The following NAT1 variants were observed in gnomAD, a reference collection of about 807,000 sequenced individuals.
The protein encoded by NAT1 is N-acetyltransferase 1, also known as arylamine N-acetyltransferase 1.
For missense variants in NAT1, 400 were observed against 339.2 expected (o/e 1.18, Z -1.41); for synonymous variants, 144 against 122.6 (o/e 1.17, Z -1.16).
At chr8:18,170,699 C>G (rs1802063989) in exon 2 of NAT1, 2 of 152,156 alleles carry the variant, frequency 1.3e-5, no homozygotes, top group African/African-American at 4.8e-5. Flanking sequence ...TCGACAGGAT[C>G]TGAACTTCCA....
intron 2 of NAT1, among the ~76,000 whole-genome samples, chr8:18,178,169 A>T (rs1802365333): frequency 6.6e-6 from 1 of 152,058 alleles, no homozygotes; most frequent in Non-Finnish European, 1.5e-5. Context: ...CAAACTTAAG[A>T]GCAGGAGATG....
chr8:18,187,592 C>T (rs983021390), intron 2 of NAT1, among the ~76,000 whole-genome samples: 3 of 151,996 alleles, frequency 2.0e-5, no homozygotes, highest in African/African-American at 4.8e-5. Context: ...CCTTAGCAAA[C>T]TAATGCAGGA....
intron 2 of NAT1, among the ~76,000 whole-genome samples, chr8:18,187,722 A>C (rs1802800061): frequency 6.6e-6 from 1 of 151,954 alleles, no homozygotes; most frequent in East Asian, 1.9e-4. Flanking sequence ...GGTGGGAGAA[A>C]AAAACGGGAT....
chr8:18,176,171 G>C (rs990534142), intron 2 of NAT1, among the ~76,000 whole-genome samples: 9 of 152,014 alleles, frequency 5.9e-5, no homozygotes, highest in African/African-American at 2.2e-4. Flanking sequence ...TGTTACTTCT[G>C]TTAATTGTTT....
rs1197287205 is a variant in NAT1 at position 18,223,636 on chromosome 8, G to C, written c.*716G>C. On this transcript the variant is annotated 3_prime_UTR_variant, in exon 3 of 3. Coordinates refer to ENST00000307719, the MANE Select transcript of NAT1 (RefSeq NM_000662.8). ...AAGTAATAACGTCAGTAATGTTTTT[G>C]GTACAAAGTCATTATTTAATAAAAG... 3 of 166,480 alleles carry C rather than the reference G, an allele frequency of 1.8e-5. No homozygotes were observed. Among genetic ancestry groups the C allele is most frequent in the Non-Finnish European group, 4.4e-5 (3 of 68,060 alleles). 10.3% of individuals were successfully genotyped at this position (166,480 alleles called of 1,614,324 possible). A position where few individuals can be genotyped will look rare whatever the true frequency, so the allele number is the denominator to read the frequency against.
chr8:18,186,049 T>G (rs1162246609), intron 2 of NAT1, among the ~76,000 whole-genome samples: 1 of 152,194 alleles, frequency 6.6e-6, no homozygotes, highest in Non-Finnish European at 1.5e-5. Context: ...TGGTTAACAC[T>G]TGCGTTACAC....
chr8:18,212,668 T>C lies in NAT1; in HGVS notation c.-86+2488T>C, dbSNP rs530355122. 8 of 152,470 alleles carry C rather than the reference T, an allele frequency of 5.2e-5. No homozygotes were observed. The East Asian group carries it at 1.3e-3, about 26-fold the overall frequency. The allele number at this position is 152,470 out of a possible 1,614,324, so 9.4% of individuals were successfully genotyped here. A position where few individuals can be genotyped will look rare whatever the true frequency, so the allele number is the denominator to read the frequency against. ...GAGGGCAAAGCAGCTTCAGGAGCCC[T>C]TGGGAGTCCTCCAAAGAGAGTCTAG... On this transcript the variant is annotated intron_variant, in intron 1 of 2. Coordinates refer to ENST00000307719, the MANE Select transcript of NAT1 (RefSeq NM_000662.8).
At chr8:18,191,553 A>T (rs933085656) in intron 2 of NAT1, among the ~76,000 whole-genome samples, 4 of 151,986 alleles carry the variant, frequency 2.6e-5, no homozygotes, top group Middle Eastern at 3.2e-3. Context: ...AAGCCAAAAG[A>T]ACAAAGCTGG....
chr8:18,192,246 T>C (rs1479616915), intron 2 of NAT1, among the ~76,000 whole-genome samples: 4 of 152,132 alleles, frequency 2.6e-5, no homozygotes, highest in Non-Finnish European at 5.9e-5. Context: ...AAAATGCTCA[T>C]CATCACTGGC....
At chr8:18,191,726 A>G (rs1274973800) in intron 2 of NAT1, among the ~76,000 whole-genome samples, 1 of 152,022 alleles carries the variant, frequency 6.6e-6, no homozygotes, top group East Asian at 1.9e-4. Flanking sequence ...AACCTGAGAA[A>G]AAGCAATGGG....
intron 2 of NAT1, among the ~76,000 whole-genome samples, chr8:18,199,338 A>T (rs868408642): frequency 0.01 from 1,520 of 148,614 alleles, 27 homozygotes; most frequent in African/African-American, 0.033. Context: ...AAAAAAAAAA[A>T]TTTTTTTGTT....
At chr8:18,208,396 G>A (rs28359469), upstream of NAT1, among the ~76,000 whole-genome samples, 923 of 152,102 alleles carry the variant, frequency 6.1e-3, 8 homozygotes, top group East Asian at 0.012. Context: ...CTCAAAACAC[G>A]TCATAAAAAT....
At chr8:18,204,136 G>A (rs112278434) in intron 2 of NAT1, among the ~76,000 whole-genome samples, 154 of 151,486 alleles carry the variant, frequency 1.0e-3, no homozygotes, top group African/African-American at 3.6e-3. Context: ...GCTGCAGTCC[G>A]CTGCCTCCTT....
In NAT1 at chr8:18,215,883, G is replaced by A. The variant is rs531540206; in HGVS notation, c.-85-3528G>A. ...GAGACGAGTCTCAATCATTTTAGGAGATTTATTTGCCAAAGTTAAGGATGT... is the reference window on the plus strand; with the variant it reads ...GAGACGAGTCTCAATCATTTTAGGAAATTTATTTGCCAAAGTTAAGGATGT... On this transcript the variant is annotated intron_variant, in intron 1 of 2. Transcript: ENST00000307719. 2.6e-5 allele frequency among the ~76,000 whole-genome samples: 4 copies of A among 152,234 alleles called. No individual in the cohort carries two copies. In the South Asian group the frequency reaches 8.3e-4, roughly 32 times the overall value.
At chr8:18,219,178 A>T (rs1805017269) in intron 1 of NAT1, among the ~76,000 whole-genome samples, 1 of 152,064 alleles carries the variant, frequency 6.6e-6, no homozygotes, top group South Asian at 2.1e-4. Context: ...GGTGGCTTCC[A>T]CAGCTTCCAG....
chr8:18,221,937 A>G, intron 2 of NAT1, 105 bp from the exon 3 acceptor site: 1 of 1,197,888 alleles, frequency 8.3e-7, no homozygotes, highest in Admixed American at 2.3e-5. Flanking sequence ...TATTATACTT[A>G]TAACCATTGT....
chr8:18,203,591 G>C (rs1252613924), intron 2 of NAT1, among the ~76,000 whole-genome samples: 1 of 152,226 alleles, frequency 6.6e-6, no homozygotes, highest in African/African-American at 2.4e-5. Context: ...CATTTGTGGA[G>C]TTCTCACTGG....
At chr8:18,182,730 G>A (rs538412864) in intron 2 of NAT1, among the ~76,000 whole-genome samples, 2 of 152,148 alleles carry the variant, frequency 1.3e-5, no homozygotes, top group South Asian at 2.1e-4. Context: ...TTGACTATTT[G>A]CATTTTAATA....
At chr8:18,183,222 T>C (rs749755204) in intron 2 of NAT1, among the ~76,000 whole-genome samples, 17 of 152,138 alleles carry the variant, frequency 1.1e-4, no homozygotes, top group South Asian at 6.2e-4. Context: ...CATTAATCCA[T>C]TCATAAGTGC....
Sources: gnomAD v4.1 joint callset for allele counts (sites outside exome capture counted in the v4.1 genomes callset) on GRCh38, gnomAD v4.1.1 for gene constraint, MANE v1.5 for transcripts, NCBI Gene and HGNC (gene_info 2026-07-23, HGNC 2026-07-21) for gene names.